The following EVC variants were observed in gnomAD, a reference collection of about 807,000 sequenced individuals.
The protein encoded by EVC is EvC ciliary complex subunit 1.
A neutral mutation model predicts 118.9 loss-of-function variants in EVC; 116 were observed. That is an observed-to-expected ratio of 0.98 (90% confidence interval 0.84 to 1.14). The LOEUF (loss-of-function observed/expected upper bound fraction) is 1.14. Among genes scored for constraint, EVC ranks in the 50% most tolerant of loss-of-function variants. The pLI is 0.00. For synonymous variants in EVC, 619 were observed against 534.7 expected, an observed-to-expected ratio of 1.16 and a Z score of -2.18; for missense variants, 1,401 against 1,246.4, an observed-to-expected ratio of 1.12 and a Z score of -1.87.
At chr4:5,809,962 C>G (rs1716619109) in intron 19 of EVC, among the ~76,000 whole-genome samples, 1 of 152,212 alleles carries the variant, frequency 6.6e-6, no homozygotes, top group Non-Finnish European at 1.5e-5. Flanking sequence ...GAGAGAGTGA[C>G]TCAGAAGGTG....
chr4:5,823,834 G>C, the EVC span, among the ~76,000 whole-genome samples: 14,149 of 152,210 alleles, frequency 0.093, 1,353 homozygotes, highest in African/African-American at 0.25. Flanking sequence ...ATCCTTTATA[G>C]CAATGTAAAT....
chr4:5,798,523 C>T lies in EVC; in HGVS notation c.2098-63C>T. ...GATAGGACCAGCCCCACATCCCAGT[C>T]CTGGCCAGAGCTTCTCTGTGAGAGG... On this transcript the variant is annotated intron_variant, in intron 14 of 20. Coordinates refer to ENST00000264956, the MANE Select transcript of EVC (RefSeq NM_153717.3). The surrounding 1 kb of genome is among the most constrained non-coding windows in gnomAD (Gnocchi z 4.1). 6.6e-7 allele frequency: 1 copy of T among 1,514,062 alleles called. No individual in the cohort carries two copies. The highest frequency in any genetic ancestry group is 9.0e-7 in the Non-Finnish European group (1 of 1,115,136). The allele number at this position is 1,514,062 out of a possible 1,614,324, so 93.8% of individuals were successfully genotyped here.
At chr4:5,805,557 C>T (rs75911002) in intron 17 of EVC, among the ~76,000 whole-genome samples, 11,888 of 152,272 alleles carry the variant, frequency 0.078, 594 homozygotes, top group African/African-American at 0.14. Context: ...AAGCATCACT[C>T]GGCTTTCCTG....
intron 16 of EVC, 108 bp downstream of exon 16, chr4:5,802,202 AAT>A (rs1715138769): frequency 6.9e-7 from 1 of 1,449,932 alleles, no homozygotes; most frequent in East Asian, 2.3e-5. Context: ...TTGGGAATAT[AAT>A]TATTTCAGTG....
In EVC at chr4:5,719,096, A is replaced by T; in HGVS notation, c.175-152A>T. On this transcript the variant is annotated intron_variant, in intron 1 of 20. Transcript: ENST00000264956. The surrounding 1 kb of genome is among the most constrained non-coding windows in gnomAD (Gnocchi z 4.7). ...CCCCACGTGGGGTGGGAGGCGTCACACACAGAAGACCAAGCTTGAGAAGCA... is the reference window on the plus strand; with the variant it reads ...CCCCACGTGGGGTGGGAGGCGTCACTCACAGAAGACCAAGCTTGAGAAGCA... The T allele has an allele frequency of 1.9e-6, 2 of 1,057,884 alleles. No homozygotes were observed. Among genetic ancestry groups the T allele is most frequent in the Non-Finnish European group, 1.5e-6 (1 of 687,172 alleles). The allele number at this position is 1,057,884 out of a possible 1,614,324, so 65.5% of individuals were successfully genotyped here. A position where few individuals can be genotyped will look rare whatever the true frequency, so the allele number is the denominator to read the frequency against.
intron 12 of EVC, 128 bp downstream of exon 12, chr4:5,783,892 CT>C: frequency 1.1e-6 from 1 of 870,198 alleles, no homozygotes; most frequent in Non-Finnish European, 1.8e-6. Context: ...TGACTGTTGC[CT>C]CCCTTTCACA....
chr4:5,727,185 C>T (rs916953502), intron 2 of EVC, among the ~76,000 whole-genome samples: 10 of 151,860 alleles, frequency 6.6e-5, no homozygotes, highest in Admixed American at 1.3e-4. Flanking sequence ...TACAGTCCCA[C>T]CAACAGTGTA....
chr4:5,759,282 G>A (rs1365231103), intron 11 of EVC, among the ~76,000 whole-genome samples: 1 of 152,194 alleles, frequency 6.6e-6, no homozygotes, highest in Admixed American at 6.5e-5. Flanking sequence ...GCTTGAAAGA[G>A]CCAGACTACA....
intron 15 of EVC, among the ~76,000 whole-genome samples, chr4:5,800,292 C>T (rs1488525378): frequency 6.6e-6 from 1 of 152,142 alleles, no homozygotes; most frequent in Admixed American, 6.5e-5. Context: ...TTGCAGTGAG[C>T]CAAGATCACA....
chr4:5,823,909 G>C, the EVC span, among the ~76,000 whole-genome samples: 1 of 152,278 alleles, frequency 6.6e-6, no homozygotes, highest in South Asian at 2.1e-4. Context: ...TATTAAAAAG[G>C]GCATCTGTGA....
chr4:5,753,634 A>T, intron 9 of EVC, 151 bp from the exon 10 acceptor site: 1 of 1,021,618 alleles, frequency 9.8e-7, no homozygotes, highest in Non-Finnish European at 1.5e-6. Context: ...GGACCTACAG[A>T]AAAACCCAGG....
intron 17 of EVC, among the ~76,000 whole-genome samples, chr4:5,807,018 G>A (rs913241498): frequency 6.6e-6 from 1 of 152,166 alleles, no homozygotes; most frequent in Non-Finnish European, 1.5e-5. Flanking sequence ...CATAGGCACG[G>A]TTTCTAGTGG....
chr4:5,740,882 A>G (rs902421850), intron 5 of EVC, among the ~76,000 whole-genome samples: 1 of 152,252 alleles, frequency 6.6e-6, no homozygotes, highest in Non-Finnish European at 1.5e-5. Context: ...TTGAACTCAC[A>G]ATAAGATATC....
chr4:5,777,990 C>CCCCCTA (rs1734971938), intron 11 of EVC, among the ~76,000 whole-genome samples: 1 of 139,698 alleles, frequency 7.2e-6, no homozygotes, highest in Admixed American at 7.2e-5. Flanking sequence ...CCTCCCCCCT[C>CCCCCTA]CCCCTACCCC....
chr4:5,734,173 C>T (rs890882033), intron 5 of EVC, among the ~76,000 whole-genome samples: 4 of 151,948 alleles, frequency 2.6e-5, no homozygotes, highest in Admixed American at 1.3e-4. Flanking sequence ...ATCAAGATGA[C>T]GGGGGTTAAA....
chr4:5,726,187 C>T (rs1003573173), intron 2 of EVC, among the ~76,000 whole-genome samples: 1 of 152,204 alleles, frequency 6.6e-6, no homozygotes, highest in Non-Finnish European at 1.5e-5. Flanking sequence ...GGTGATGGAG[C>T]TCACTCTTCA....
rs772800724 is a variant in EVC, at chr4:5,802,088, C to G, written c.2443C>G (p.Leu815Val). ...GAGAAAACTGCAGCACCTGAAGACC[C>G]TGCAGGGTACGGGACCCCCCCTCAG... ...EERKLQHLKT[L>V]QGERMENYKL... Residue 815 changes from leucine to valine, a missense_variant, in exon 16 of 21, where the codon CTG (leucine) becomes GTG (valine). Leu to Val is a conservative substitution (Grantham distance 32). Transcript: ENST00000264956. 2.5e-6 allele frequency: 4 copies of G among 1,605,334 alleles called. No homozygotes were observed. The East Asian group carries it at 9.1e-5, about 36-fold the overall frequency.
chr4:5,792,140 T>C (rs1712909308), intron 12 of EVC, among the ~76,000 whole-genome samples: 1 of 152,162 alleles, frequency 6.6e-6, no homozygotes, highest in Non-Finnish European at 1.5e-5. Context: ...CATTTCATAA[T>C]ATCTAGAAAA....
chr4:5,784,901 C>T (rs1736193432), intron 12 of EVC, among the ~76,000 whole-genome samples: 1 of 152,136 alleles, frequency 6.6e-6, no homozygotes, highest in African/African-American at 2.4e-5. Context: ...AGCCACTGTG[C>T]CCAGCCCAGA....
Sources: gnomAD v4.1 joint callset for allele counts (sites outside exome capture counted in the v4.1 genomes callset) on GRCh38, gnomAD v4.1.1 for gene constraint, Gnocchi (gnomAD v3.1) non-coding constraint, MANE v1.5 for transcripts, NCBI Gene and HGNC (gene_info 2026-07-23, HGNC 2026-07-21) for gene names.